The following ZIC3 variants were observed in gnomAD, a reference collection of about 807,000 sequenced individuals.
The protein encoded by ZIC3 is zinc finger protein ZIC 3.
A neutral mutation model predicts 18.3 loss-of-function variants in ZIC3; 6 were observed. The observed-to-expected ratio is 0.33, with a 90% CI of 0.18 to 0.65. ZIC3 has a LOEUF of 0.65. ZIC3 is among the 30% of genes least tolerant of loss of function. The pLI is 0.75. For synonymous variants in ZIC3, 175 were observed against 177.0 expected (o/e 0.99, Z 0.09); for missense variants, 260 against 410.0 (o/e 0.63, Z 3.16).
Position 137,566,873 on chromosome X carries a change from C to G in ZIC3, c.182C>G (p.Ala61Gly), listed in dbSNP as rs1405421535. ...GCCGCTGCCTTCAAGCTGAGCCCTGCCGCGGCGCACGATCTATCTTCAGGC... is the reference window on the plus strand; with the variant it reads ...GCCGCTGCCTTCAAGCTGAGCCCTGGCGCGGCGCACGATCTATCTTCAGGC... The part of the protein sequence containing the change: ...AAAAAFKLSP[A>G]AAHDLSSGQS... Residue 61 changes from alanine to glycine, a missense_variant, in exon 1 of 3, where the codon GCC becomes GGC. Around this residue, in one of 4 missense-constraint regions of ZIC3, gnomAD observed 183 missense variants for 223.8 expected, o/e 0.82. Coordinates refer to ENST00000287538, the MANE Select transcript of ZIC3 (RefSeq NM_003413.4). 30 of 1,162,947 alleles carry G rather than the reference C, an allele frequency of 2.6e-5. No homozygotes were observed. Among genetic ancestry groups the G allele is most frequent in the Non-Finnish European group, 3.4e-5 (30 of 872,453 alleles).
intron 1 of ZIC3, 159 bp from the exon 2 acceptor site, chrX:137,568,743 G>A (rs1931394001): frequency 2.5e-6 from 1 of 394,344 alleles, no homozygotes; most frequent in East Asian, 5.7e-5. Context: ...CTCAACCTAC[G>A]CTCTTCATTT....
intron 2 of ZIC3, among the ~76,000 whole-genome samples, chrX:137,569,359 A>T (rs1931406088): frequency 9.0e-6 from 1 of 111,385 alleles, no homozygotes; most frequent in South Asian, 3.8e-4. Context: ...CCTCTTCCCG[A>T]CTCAGCCCGC....
chrX:137,577,380 G>T (rs1240871768), exon 3 of ZIC3: 1 of 383,459 alleles, frequency 2.6e-6, no homozygotes, highest in East Asian at 4.0e-5. Context: ...TTCTTCTTTT[G>T]GTGTATTTCA....
chrX:137,568,352 A>G (rs1931384564), intron 1 of ZIC3, among the ~76,000 whole-genome samples: 3 of 108,949 alleles, frequency 2.8e-5, no homozygotes, highest in Non-Finnish European at 5.8e-5. Context: ...CTATCTATCT[A>G]TCTATCTATC....
exon 3 of ZIC3, chrX:137,577,348 C>A: frequency 2.6e-6 from 1 of 387,550 alleles, no homozygotes; most frequent in Non-Finnish European, 4.6e-6. Flanking sequence ...GTAGCTTCTT[C>A]CCTAGGTATA....
At chrX:137,575,734 G>T (rs1195502169), downstream of ZIC3, among the ~76,000 whole-genome samples, 1 of 111,347 alleles carries the variant, frequency 9.0e-6, no homozygotes, top group Non-Finnish European at 1.9e-5. Flanking sequence ...CTTGGGAAGG[G>T]CCCCAGGTGG....
downstream of ZIC3, among the ~76,000 whole-genome samples, chrX:137,574,796 A>G (rs1404959627): frequency 8.9e-6 from 1 of 112,986 alleles, no homozygotes; most frequent in Non-Finnish European, 1.9e-5. Flanking sequence ...CGCGGAGCGC[A>G]GCAAAGCGCA....
In ZIC3 at chrX:137,566,853, T is replaced by C. The variant is rs62637689; in HGVS notation, c.162T>C (p.Ala54=). The change falls in exon 1 of 3, where the codon GCT becomes GCC. Residue 54 remains alanine, a synonymous_variant. Coordinates refer to ENST00000287538, the MANE Select transcript of ZIC3 (RefSeq NM_003413.4). ...CCGCCGCCGCCGCCGCCGCCGCCGC[T>C]GCCTTCAAGCTGAGCCCTGCCGCGG... ...THAAAAAAAA[A]AFKLSPAAAH... 1.9e-3 allele frequency: 2,248 copies of C among 1,160,326 alleles called. 15 individuals carry two copies. The African/African-American group carries it at 0.03, about 15-fold the overall frequency.
intron 1 of ZIC3, 175 bp from the exon 2 acceptor site, chrX:137,568,727 A>C: frequency 5.5e-6 from 1 of 180,437 alleles, no homozygotes; most frequent in South Asian, 6.1e-5. Context: ...TCCCAAACCC[A>C]GCGGGCTCAA....
At chrX:137,569,333 G>C (rs1013586626) in intron 2 of ZIC3, among the ~76,000 whole-genome samples, 36 of 112,212 alleles carry the variant, frequency 3.2e-4, no homozygotes, top group Non-Finnish European at 6.2e-4. Context: ...CTGGGCTTGC[G>C]GGGCTGCCGT....
chrX:137,572,226 TTTAAG>T (rs763224061), downstream of ZIC3, among the ~76,000 whole-genome samples: 43 of 112,829 alleles, frequency 3.8e-4, no homozygotes, highest in South Asian at 0.01. Flanking sequence ...AAGCAGTCTA[TTTAAG>T]TTATCTACTG....
downstream of ZIC3, among the ~76,000 whole-genome samples, chrX:137,574,887 C>T (rs1449521988): frequency 8.9e-6 from 1 of 112,346 alleles, no homozygotes. Context: ...GAATGTAGGT[C>T]GTGGCGGTTG....
At chrX:137,573,892 G>C (rs957099463), downstream of ZIC3, 2 of 112,822 alleles carry the variant, frequency 1.8e-5, no homozygotes, top group Non-Finnish European at 3.8e-5. Flanking sequence ...GCTCGGGCGG[G>C]GGGGGAAGGG....
chrX:137,569,367 C>T (rs1174246756), intron 2 of ZIC3, among the ~76,000 whole-genome samples: 1 of 112,200 alleles, frequency 8.9e-6, no homozygotes, highest in African/African-American at 3.2e-5. Flanking sequence ...CGACTCAGCC[C>T]GCGGTGGGAA....
In ZIC3 at chrX:137,569,015, G is replaced by C; in HGVS notation, c.1174G>C (p.Val392Leu). The change falls in exon 2 of 3, where the codon GTG (valine) becomes CTG (leucine). Residue 392 changes from valine to leucine, a missense_variant. Around this residue, in one of 4 missense-constraint regions of ZIC3, gnomAD observed 52 missense variants for 111.5 expected, o/e 0.47. Transcript: ENST00000287538. ...HTSDKPYICK[V>L]CDKSYTHPSS... ...CTCGGACAAGCCCTATATCTGCAAA[G>C]TGTGCGACAAGTCCTACACGCACCC... 1 of 1,211,561 alleles carries C rather than the reference G, an allele frequency of 8.3e-7. No homozygotes were observed. Among genetic ancestry groups the C allele is most frequent in the Non-Finnish European group, 1.1e-6 (1 of 895,521 alleles).
Position 137,566,326 on chromosome X carries a change from G to C in ZIC3, c.-366G>C, listed in dbSNP as rs1312132658. The C allele has an allele frequency of 4.1e-6, 1 of 243,279 alleles. No individual in the cohort carries two copies. Among genetic ancestry groups the C allele is most frequent in the Non-Finnish European group, 7.3e-6 (1 of 136,278 alleles). 20.0% of individuals were successfully genotyped at this position (243,279 alleles called of 1,213,427 possible). A position where few individuals can be genotyped will look rare whatever the true frequency, so the allele number is the denominator to read the frequency against. On this transcript the variant is annotated 5_prime_UTR_variant, in exon 1 of 3. Coordinates refer to ENST00000287538, the MANE Select transcript of ZIC3 (RefSeq NM_003413.4). ...CGCGGTTCTGTGCACTCGGGGAGAGGAGGGGTGCCCGGGACAGGATTGGCA... is the reference window on the plus strand; with the variant it reads ...CGCGGTTCTGTGCACTCGGGGAGAGCAGGGGTGCCCGGGACAGGATTGGCA...
chrX:137,576,098 A>C (rs1602746710), downstream of ZIC3, among the ~76,000 whole-genome samples: 1 of 90,113 alleles, frequency 1.1e-5, no homozygotes, highest in Admixed American at 1.3e-4. Context: ...TCCCCGGTTC[A>C]CTCACTCCCC....
downstream of ZIC3, among the ~76,000 whole-genome samples, chrX:137,576,268 A>G (rs1447713220): frequency 9.0e-6 from 1 of 111,609 alleles, no homozygotes; most frequent in Non-Finnish European, 1.9e-5. Context: ...AGTGTGGAAA[A>G]TAAAAAGTTC....
At chrX:137,573,024 CTTATT>C (rs1238251676), downstream of ZIC3, among the ~76,000 whole-genome samples, 1 of 108,129 alleles carries the variant, frequency 9.2e-6, no homozygotes, top group African/African-American at 3.4e-5. Context: ...AAGAAAACTC[CTTATT>C]TTGATAGAAA....
Sources: allele counts gnomAD v4.1 joint callset (sites outside exome capture counted in the v4.1 genomes callset), GRCh38; gene constraint gnomAD v4.1.1; regional missense constraint gnomAD v4.1.1; transcripts MANE v1.5; gene names NCBI Gene and HGNC (gene_info 2026-07-23, HGNC 2026-07-21).